Variants in MAPK4 observed in about 807,000 individuals in gnomAD.
MAPK4 encodes Erk3-related.
A neutral mutation model predicts 47.7 loss-of-function variants in MAPK4; 22 were observed. The ratio of observed to expected loss-of-function variants is 0.46; its 90% CI spans 0.33 to 0.66. The LOEUF is 0.66. MAPK4 is among the 30% of genes least tolerant of loss of function. The pLI, the probability that MAPK4 is intolerant of heterozygous loss-of-function variation, is 0.02. For synonymous variants in MAPK4, 390 were observed against 365.7 expected, an observed-to-expected ratio of 1.07 and a Z score of -0.76; for missense variants, 736 against 831.7, an observed-to-expected ratio of 0.88 and a Z score of 1.42.
chr18:50,715,411 A>T (rs1910589356), intron 3 of MAPK4, among the ~76,000 whole-genome samples, 188 bp downstream of exon 3: 1 of 152,248 alleles, frequency 6.6e-6, no homozygotes. Context: ...AGGCTAAAAA[A>T]ATAGTAGCCT....
intron 2 of MAPK4, among the ~76,000 whole-genome samples, chr18:50,695,338 TA>T (rs59857315): frequency 0.3 from 25,029 of 84,532 alleles, 3,060 homozygotes; most frequent in Middle Eastern, 0.34. Flanking sequence ...GGCTCCATCT[TA>T]AAAAAAAAAA....
At chr18:50,584,457 C>G (rs970623879) in intron 1 of MAPK4, among the ~76,000 whole-genome samples, 2 of 152,166 alleles carry the variant, frequency 1.3e-5, no homozygotes, top group Non-Finnish European at 2.9e-5. Context: ...ACAACAGATC[C>G]TCTTTTTATA....
chr18:50,605,433 A>C (rs1256448838), intron 1 of MAPK4, among the ~76,000 whole-genome samples: 1 of 152,138 alleles, frequency 6.6e-6, no homozygotes. Context: ...GGGTTATATT[A>C]CTTCTCCTAG....
intron 1 of MAPK4, among the ~76,000 whole-genome samples, chr18:50,568,867 A>G (rs1466004893): frequency 6.6e-6 from 1 of 152,128 alleles, no homozygotes; most frequent in African/African-American, 2.4e-5. Flanking sequence ...TGCATTCTCA[A>G]TCTTGATTAC....
chr18:50,686,763 C>G (rs142669675), intron 2 of MAPK4, among the ~76,000 whole-genome samples: 1 of 152,314 alleles, frequency 6.6e-6, no homozygotes, highest in African/African-American at 2.4e-5. Flanking sequence ...GGTATTGCCT[C>G]CTTAAGCTCA....
chr18:50,628,577 C>T (rs1227709925), intron 1 of MAPK4, among the ~76,000 whole-genome samples: 2 of 152,344 alleles, frequency 1.3e-5, no homozygotes, highest in East Asian at 3.9e-4. Context: ...TAATCTCTCA[C>T]TATCACCAAA....
At chr18:50,559,865 T>TGGGTCCGGGAAGGCCCCAGGACC (rs1401642375), upstream of MAPK4, among the ~76,000 whole-genome samples, 4 of 149,858 alleles carry the variant, frequency 2.7e-5, no homozygotes, top group African/African-American at 9.8e-5. Flanking sequence ...TCCGCGGGAC[T>TGGGTCCGGGAAGGCCCCAGGACC]GGGTCCGGGA....
intron 1 of MAPK4, among the ~76,000 whole-genome samples, chr18:50,635,170 G>A (rs2042873053): frequency 6.6e-6 from 1 of 152,160 alleles, no homozygotes; most frequent in South Asian, 2.1e-4. Context: ...AGTGCCTCCT[G>A]TCAGTATCTC....
rs1442125326 is a variant in MAPK4 at position 50,729,968 on chromosome 18, C to G, written c.*114C>G. 1.8e-6 allele frequency: 2 copies of G among 1,082,310 alleles called. No homozygotes were observed. Among genetic ancestry groups the G allele is most frequent in the East Asian group, 5.2e-5 (2 of 38,406 alleles). The allele number at this position is 1,082,310 out of a possible 1,614,324, so 67.0% of individuals were successfully genotyped here. On this transcript the variant is annotated 3_prime_UTR_variant, in exon 6 of 6. Coordinates refer to ENST00000400384, the MANE Select transcript of MAPK4 (RefSeq NM_002747.4). ...CTCTGCTGCCTTGGGGTTGGCAGAACACGTGAAGGATCCGAGGAGCGAGAG... is the reference window on the plus strand; with the variant it reads ...CTCTGCTGCCTTGGGGTTGGCAGAAGACGTGAAGGATCCGAGGAGCGAGAG...
chr18:50,608,232 A>G lies in MAPK4; in HGVS notation c.-871+47989A>G, dbSNP rs116386700. Among the ~76,000 whole-genome samples, 1,316 of 152,314 alleles carry G rather than the reference A, an allele frequency of 8.6e-3. 17 individuals carry two copies. The highest frequency in any genetic ancestry group is 0.029 in the African/African-American group (1,219 of 41,570). ...CTCCTTCACCCCTGAGGATTCAGATATCTGTTTCTGACTTTAAGTTTTAAA... is the reference window on the plus strand; with the variant it reads ...CTCCTTCACCCCTGAGGATTCAGATGTCTGTTTCTGACTTTAAGTTTTAAA... On this transcript the variant is annotated intron_variant, in intron 1 of 5. Transcript: ENST00000400384.
chr18:50,706,190 A>G (rs942515904), intron 2 of MAPK4: 1 of 152,176 alleles, frequency 6.6e-6, no homozygotes, highest in Non-Finnish European at 1.5e-5. Flanking sequence ...CCATCTGGGG[A>G]AAACCTCTGC....
At chr18:50,588,997 C>T (rs1011850497) in intron 1 of MAPK4, among the ~76,000 whole-genome samples, 12 of 152,118 alleles carry the variant, frequency 7.9e-5, no homozygotes, top group African/African-American at 2.9e-4. Flanking sequence ...TTTTTACTAG[C>T]GTGTAGCATC....
At chr18:50,604,296 G>A (rs921647684) in intron 1 of MAPK4, among the ~76,000 whole-genome samples, 1 of 152,200 alleles carries the variant, frequency 6.6e-6, no homozygotes, top group African/African-American at 2.4e-5. Flanking sequence ...ATATGCTTTA[G>A]AACTTCCAAC....
chr18:50,613,491 C>G (rs779595009), intron 1 of MAPK4, among the ~76,000 whole-genome samples: 3 of 152,238 alleles, frequency 2.0e-5, no homozygotes, highest in Non-Finnish European at 2.9e-5. Context: ...CCATTTGACA[C>G]TTTGATTGAA....
chr18:50,629,718 G>C (rs1282328051), intron 1 of MAPK4: 1 of 152,284 alleles, frequency 6.6e-6, no homozygotes, highest in Non-Finnish European at 1.5e-5. Context: ...GGGGTTGGGG[G>C]TTGAGCCTGG....
chr18:50,606,333 G>GGGATTTTC (rs2042583075), intron 1 of MAPK4, among the ~76,000 whole-genome samples: 1 of 151,666 alleles, frequency 6.6e-6, no homozygotes, highest in East Asian at 1.9e-4. Flanking sequence ...TTGGGATTTT[G>GGGATTTTC]TCTTTAATAC....
At chr18:50,657,603 A>T (rs2144229909) in intron 1 of MAPK4, among the ~76,000 whole-genome samples, 1 of 152,070 alleles carries the variant, frequency 6.6e-6, no homozygotes, top group African/African-American at 2.4e-5. Flanking sequence ...CCCTGTTGAA[A>T]ACTGCTGATT....
At chr18:50,601,132 C>CAG (rs1372340243) in intron 1 of MAPK4, among the ~76,000 whole-genome samples, 31 of 148,922 alleles carry the variant, frequency 2.1e-4, no homozygotes, top group African/African-American at 5.7e-4. Context: ...AAGAAGAAGA[C>CAG]AGAGAGAGAG....
At chr18:50,673,707 T>A (rs1340559313) in intron 2 of MAPK4, among the ~76,000 whole-genome samples, 1 of 151,890 alleles carries the variant, frequency 6.6e-6, no homozygotes, top group Non-Finnish European at 1.5e-5. Flanking sequence ...ATACAAAAAA[T>A]TAGCTGGGCA....
Sources: gnomAD v4.1 joint callset for allele counts (sites outside exome capture counted in the v4.1 genomes callset) on GRCh38, gnomAD v4.1.1 for gene constraint, MANE v1.5 for transcripts, NCBI Gene and HGNC (gene_info 2026-07-23, HGNC 2026-07-21) for gene names.